DPYD: variants seen among roughly 807,000 people sequenced by gnomAD.
DPYD encodes dihydropyrimidine dehydrogenase.
A neutral mutation model predicts 116.2 loss-of-function variants in DPYD; 109 were observed. The ratio of observed to expected loss-of-function variants is 0.94; its 90% CI spans 0.80 to 1.10. The LOEUF (loss-of-function observed/expected upper bound fraction) is 1.10. Among genes scored for constraint, DPYD ranks in the 50% least tolerant of loss-of-function variants. The pLI, the probability that DPYD is intolerant of heterozygous loss-of-function variation, is 0.00. For synonymous variants in DPYD, 440 were observed against 432.0 expected, an observed-to-expected ratio of 1.02 and a Z score of -0.23; for missense variants, 1,302 against 1,254.5, an observed-to-expected ratio of 1.04 and a Z score of -0.57.
intron 5 of DPYD, among the ~76,000 whole-genome samples, chr1:97,712,225 C>T (rs1662329343): frequency 6.6e-6 from 1 of 151,988 alleles, no homozygotes; most frequent in African/African-American, 2.4e-5. Context: ...AGCTTCTGAA[C>T]TTCTCTATTA....
At chr1:97,217,132 C>T (rs982966679) in intron 19 of DPYD, among the ~76,000 whole-genome samples, 3 of 151,620 alleles carry the variant, frequency 2.0e-5, no homozygotes, top group East Asian at 2.0e-4. Context: ...CGCTTGAACA[C>T]GGGAGGCGGA....
intron 20 of DPYD, among the ~76,000 whole-genome samples, chr1:97,188,410 AAG>A (rs1658144385): frequency 6.6e-6 from 1 of 152,162 alleles, no homozygotes; most frequent in East Asian, 1.9e-4. Flanking sequence ...CCTCCTAAAT[AAG>A]GACACAACAG....
intron 14 of DPYD, among the ~76,000 whole-genome samples, chr1:97,393,656 G>A (rs949233489): frequency 6.6e-5 from 10 of 152,182 alleles, no homozygotes; most frequent in African/African-American, 2.4e-4. Context: ...GTATTCCATG[G>A]TGTATATGTT....
rs190704098 is a variant in DPYD, at chr1:97,774,715, C to T, written c.234-34236G>A. On this transcript the variant is annotated intron_variant, in intron 3 of 22. Coordinates refer to ENST00000370192, the MANE Select transcript of DPYD (RefSeq NM_000110.4). ...TACTGAGAGTTTCAAGTGTGAAATA[C>T]GCAATAAAAAGTATCTTCTGGAGAG... 297 of 188,138 alleles carry T rather than the reference C, an allele frequency of 1.6e-3. No homozygotes were observed. In the Middle Eastern group the frequency reaches 0.021, roughly 13 times the overall value. The allele number at this position is 188,138 out of a possible 1,614,324, so 11.7% of individuals were successfully genotyped here.
At chr1:97,651,396 TA>T (rs1352898248) in intron 8 of DPYD, among the ~76,000 whole-genome samples, 2 of 152,316 alleles carry the variant, frequency 1.3e-5, no homozygotes, top group East Asian at 3.9e-4. Flanking sequence ...TCATTTATTT[TA>T]TTCAGGCACA....
intron 3 of DPYD, among the ~76,000 whole-genome samples, chr1:97,787,703 G>A (rs1439058002): frequency 6.6e-6 from 1 of 152,038 alleles, no homozygotes; most frequent in Admixed American, 6.6e-5. Context: ...CGTCGAACAA[G>A]GCTATAACAA....
intron 11 of DPYD, among the ~76,000 whole-genome samples, chr1:97,561,106 A>AT (rs1349164172): frequency 3.3e-5 from 5 of 152,212 alleles, no homozygotes; most frequent in Non-Finnish European, 7.3e-5. Flanking sequence ...ATAGGACAGC[A>AT]TTTGTAGATT....
At chr1:97,762,263 T>C (rs941703878) in intron 3 of DPYD, among the ~76,000 whole-genome samples, 1 of 152,174 alleles carries the variant, frequency 6.6e-6, no homozygotes, top group Non-Finnish European at 1.5e-5. Flanking sequence ...TTGGAATATG[T>C]TACTGGAGAA....
chr1:97,450,480 T>C (rs1003695320), intron 13 of DPYD, among the ~76,000 whole-genome samples: 1 of 152,154 alleles, frequency 6.6e-6, no homozygotes, highest in African/African-American at 2.4e-5. Flanking sequence ...AAAATATTTA[T>C]ATTCATTAAC....
Position 97,157,321 on chromosome 1 carries a change from G to C in DPYD, c.2622+35748C>G, listed in dbSNP as rs1655544400. On this transcript the variant is annotated intron_variant, in intron 20 of 22. Coordinates refer to ENST00000370192, the MANE Select transcript of DPYD (RefSeq NM_000110.4). Reference sequence around the variant, plus strand: ...TCTTGGTAATAAGTTATATCACCTAGTGTTTGCACACACTCATACACACAT... The same window carrying C: ...TCTTGGTAATAAGTTATATCACCTACTGTTTGCACACACTCATACACACAT... Among the ~76,000 whole-genome samples the C allele has an allele frequency of 1.3e-5, 2 of 152,064 alleles. 1 individual carries two copies.
In DPYD at chr1:97,343,096, T is replaced by C. The variant is rs1020212046; in HGVS notation, c.2058+30465A>G. Among the ~76,000 whole-genome samples, 3 of 152,130 alleles carry C rather than the reference T, an allele frequency of 2.0e-5. No individual in the cohort carries two copies. In the East Asian group the frequency reaches 5.8e-4, roughly 29 times the overall value. ...TTTCCTTAATGTTATAAAAGTCTTT[T>C]GAGATTCTTGTATGTGTGTGTTTAA... On this transcript the variant is annotated intron_variant, in intron 16 of 22. Coordinates refer to ENST00000370192, the MANE Select transcript of DPYD (RefSeq NM_000110.4).
intron 8 of DPYD, among the ~76,000 whole-genome samples, chr1:97,639,932 C>A (rs2100814899): frequency 6.6e-6 from 1 of 152,110 alleles, no homozygotes; most frequent in African/African-American, 2.4e-5. Flanking sequence ...GATTAACAAT[C>A]TTGTGAAAGC....
chr1:97,720,436 G>A, intron 5 of DPYD: 1 of 989,418 alleles, frequency 1.0e-6, no homozygotes, highest in Non-Finnish European at 1.2e-6. Flanking sequence ...TAGTGGTCAG[G>A]TAAGCCTAAT....
intron 18 of DPYD, among the ~76,000 whole-genome samples, chr1:97,276,322 A>G (rs1664924486): frequency 6.6e-6 from 1 of 152,194 alleles, no homozygotes; most frequent in Non-Finnish European, 1.5e-5. Flanking sequence ...AGTAAACTAA[A>G]TAGCTTCAGC....
intron 13 of DPYD, among the ~76,000 whole-genome samples, chr1:97,458,272 A>G (rs929619962): frequency 2.6e-5 from 4 of 152,166 alleles, no homozygotes; most frequent in Admixed American, 2.6e-4. Context: ...GTCGACTGCA[A>G]ATGAAATGAC....
At chr1:97,353,509 T>G (rs534046920) in intron 16 of DPYD, among the ~76,000 whole-genome samples, 1 of 152,192 alleles carries the variant, frequency 6.6e-6, no homozygotes, top group East Asian at 1.9e-4. Flanking sequence ...AATCTGAAAC[T>G]ACATATACCC....
intron 2 of DPYD, among the ~76,000 whole-genome samples, chr1:97,848,483 A>T (rs988976379): frequency 6.6e-6 from 1 of 152,192 alleles, no homozygotes; most frequent in Non-Finnish European, 1.5e-5. Context: ...ATCTTTTAAG[A>T]GGATGTGAAA....
chr1:97,226,546 T>C (rs1180336691), intron 19 of DPYD, among the ~76,000 whole-genome samples: 2 of 152,064 alleles, frequency 1.3e-5, no homozygotes, highest in South Asian at 2.1e-4. Flanking sequence ...GGATACAAAA[T>C]TCACATGCAA....
At chr1:97,777,105 C>A (rs1287613460) in intron 3 of DPYD, among the ~76,000 whole-genome samples, 1 of 152,114 alleles carries the variant, frequency 6.6e-6, no homozygotes, top group Non-Finnish European at 1.5e-5. Flanking sequence ...AATTATTTAT[C>A]TGTATGTCTT....
Sources: gnomAD v4.1 joint callset for allele counts (sites outside exome capture counted in the v4.1 genomes callset) on GRCh38, gnomAD v4.1.1 for gene constraint, MANE v1.5 for transcripts, NCBI Gene and HGNC (gene_info 2026-07-23, HGNC 2026-07-21) for gene names.